CELF2: variants seen among roughly 807,000 people sequenced by gnomAD.
CELF2 encodes CUGBP Elav-like family member 2, also known as CUG triplet repeat RNA-binding protein 2.
In CELF2, 8 loss-of-function variants were observed where a neutral mutation model predicts 62.6. The observed-to-expected ratio is 0.13, with a 90% CI of 0.07 to 0.23. The LOEUF (loss-of-function observed/expected upper bound fraction) is 0.23. CELF2 is among the 10% of genes least tolerant of loss of function. The pLI is 1.00. For synonymous variants in CELF2, 258 were observed against 250.0 expected, an observed-to-expected ratio of 1.03 and a Z score of -0.30; for missense variants, 333 against 671.0, an observed-to-expected ratio of 0.50 and a Z score of 5.56.
At chr10:10,603,764 A>G in the CELF2 span, among the ~76,000 whole-genome samples, 1 of 149,686 alleles carries the variant, frequency 6.7e-6, no homozygotes, top group Non-Finnish European at 1.5e-5. Context: ...CAGGGAAGCA[A>G]AGTCTAGGAT....
Position 11,021,603 on chromosome 10 carries a change from G to A in CELF2, c.74+3440G>A, listed in dbSNP as rs556666048. Reference sequence around the variant, plus strand: ...GTTGTTAGTTGAGTGCCTGCCATGCGCCAGGATAGTTTATTCACACCGTCT... The same window carrying A: ...GTTGTTAGTTGAGTGCCTGCCATGCACCAGGATAGTTTATTCACACCGTCT... On this transcript the variant is annotated intron_variant, in intron 1 of 12. Coordinates refer to ENST00000633077, the MANE Select transcript of CELF2 (RefSeq NM_001326342.2). 7.2e-5 allele frequency among the ~76,000 whole-genome samples: 11 copies of A among 152,282 alleles called. No individual in the cohort carries two copies. In the South Asian group the frequency reaches 1.9e-3, roughly 26 times the overall value.
At chr10:11,103,984 C>G (rs562693832) in intron 1 of CELF2, among the ~76,000 whole-genome samples, 1 of 104,414 alleles carries the variant, frequency 9.6e-6, no homozygotes, top group East Asian at 6.6e-4. Context: ...TATTTATGGT[C>G]AGTTCTGTTT....
chr10:10,811,322 G>T (rs986531952), intron 1 of CELF2, among the ~76,000 whole-genome samples: 1 of 152,188 alleles, frequency 6.6e-6, no homozygotes, highest in African/African-American at 2.4e-5. Context: ...TTATAGAGAT[G>T]ACCAGGCTTT....
chr10:11,240,324 G>T (rs1243310002), intron 3 of CELF2, among the ~76,000 whole-genome samples: 4 of 152,230 alleles, frequency 2.6e-5, no homozygotes, highest in Non-Finnish European at 5.9e-5. Context: ...TCTTCACTTT[G>T]ATTCGTTTTA....
the CELF2 span, among the ~76,000 whole-genome samples, chr10:10,741,279 G>A: frequency 2.0e-5 from 3 of 151,912 alleles, no homozygotes; most frequent in African/African-American, 4.8e-5. Context: ...TTGGAAGGCC[G>A]AGGCAGGCAG....
chr10:11,087,653 G>A (rs1211394458), intron 1 of CELF2, among the ~76,000 whole-genome samples: 1 of 152,192 alleles, frequency 6.6e-6, no homozygotes, highest in Non-Finnish European at 1.5e-5. Context: ...ATATTATTCA[G>A]TCAGTAGGAA....
intron 2 of CELF2, among the ~76,000 whole-genome samples, chr10:10,921,300 C>T (rs1265398603): frequency 6.6e-6 from 1 of 151,202 alleles, no homozygotes; most frequent in Admixed American, 6.6e-5. Flanking sequence ...GCTGGAGTCT[C>T]CTTCTGTCGC....
chr10:11,258,618 C>G (rs2079512888), intron 5 of CELF2, among the ~76,000 whole-genome samples: 1 of 152,188 alleles, frequency 6.6e-6, no homozygotes, highest in Non-Finnish European at 1.5e-5. Flanking sequence ...TGGAACCACT[C>G]ATAAAGGCTG....
intron 2 of CELF2, among the ~76,000 whole-genome samples, chr10:10,937,121 C>CTTTTTTTTTTTTTTTTTTTTT (rs373143426): frequency 2.2e-3 from 203 of 90,470 alleles, no homozygotes; most frequent in Non-Finnish European, 3.0e-3. Flanking sequence ...TTTTTCTTTT[C>CTTTTTTTTTTTTTTTTTTTTT]TTTTTTTTTT....
intron 1 of CELF2, 100 bp downstream of exon 1, chr10:11,018,263 C>T (rs1422085589): frequency 2.9e-6 from 3 of 1,020,624 alleles, no homozygotes; most frequent in Non-Finnish European, 4.0e-6. Context: ...CCGGGCGCGA[C>T]TCGGCCGCTT....
the CELF2 span, among the ~76,000 whole-genome samples, chr10:10,660,184 C>T: frequency 6.6e-6 from 1 of 152,184 alleles, no homozygotes; most frequent in Non-Finnish European, 1.5e-5. Context: ...AATTGATAAA[C>T]TGTTCACGGA....
Position 11,079,903 on chromosome 10 carries a change from A to G in CELF2, c.74+61740A>G, listed in dbSNP as rs184964437. Among the ~76,000 whole-genome samples the G allele has an allele frequency of 6.2e-3, 937 of 152,312 alleles. 5 individuals carry two copies. The highest frequency in any genetic ancestry group is 9.5e-3 in the Non-Finnish European group (643 of 68,016). On this transcript the variant is annotated intron_variant, in intron 1 of 12. Transcript: ENST00000633077. ...AGTGCAAACAGCAATAGCAAGATGCACTGTACTGCAAGATGACTTTGGGAT... is the reference window on the plus strand; with the variant it reads ...AGTGCAAACAGCAATAGCAAGATGCGCTGTACTGCAAGATGACTTTGGGAT...
chr10:10,895,157 GAACCCAGGAGATCA>G (rs563711081), intron 1 of CELF2, among the ~76,000 whole-genome samples: 10 of 152,272 alleles, frequency 6.6e-5, no homozygotes, highest in African/African-American at 2.4e-4. Flanking sequence ...ACCAAGATTT[GAACCCAGGAGATCA>G]AACCCCTGAG....
At chr10:10,737,471 C>A in the CELF2 span, among the ~76,000 whole-genome samples, 1 of 152,076 alleles carries the variant, frequency 6.6e-6, no homozygotes, top group African/African-American at 2.4e-5. Context: ...TCAAAACTAG[C>A]AGAAAATTGT....
intron 1 of CELF2, among the ~76,000 whole-genome samples, chr10:11,057,691 A>G (rs2065635470): frequency 6.6e-6 from 1 of 152,176 alleles, no homozygotes; most frequent in Admixed American, 6.5e-5. Flanking sequence ...TTTTAAGCAT[A>G]AGGATGTAAC....
chr10:10,718,064 G>A, the CELF2 span, among the ~76,000 whole-genome samples: 1 of 152,154 alleles, frequency 6.6e-6, no homozygotes, highest in African/African-American at 2.4e-5. Context: ...AAACAAAGAA[G>A]ATAATTATTA....
In CELF2 at chr10:10,928,366, T is replaced by A. The variant is rs2065744290; in HGVS notation, c.89+8367T>A. Among the ~76,000 whole-genome samples, 1 of 152,216 alleles carries A rather than the reference T, an allele frequency of 6.6e-6. No individual in the cohort carries two copies. The highest frequency in any genetic ancestry group is 6.5e-5 in the Admixed American group (1 of 15,282). On this transcript the variant is annotated intron_variant, in intron 2 of 13. Coordinates refer to the CELF2 transcript ENST00000636488. The surrounding 1 kb of genome is among the most constrained non-coding windows in gnomAD (Gnocchi z 4.8). ...CTTTGTATGTGTTCTTCCTTCTATT[T>A]GAAAGCCCAGTGTCATCTCTCTGCT...
At chr10:11,076,734 G>A (rs1341689387) in intron 1 of CELF2, among the ~76,000 whole-genome samples, 4 of 152,162 alleles carry the variant, frequency 2.6e-5, no homozygotes, top group African/African-American at 9.7e-5. Flanking sequence ...GAAGCATTGA[G>A]TTGATCTATG....
intron 1 of CELF2, among the ~76,000 whole-genome samples, chr10:10,821,188 C>T (rs1266279824): frequency 6.6e-6 from 1 of 152,170 alleles, no homozygotes; most frequent in East Asian, 1.9e-4. Context: ...TGACTTTGGA[C>T]ATCTAGCGTC....
Sources: allele counts gnomAD v4.1 joint callset (sites outside exome capture counted in the v4.1 genomes callset), GRCh38; gene constraint gnomAD v4.1.1; non-coding constraint Gnocchi (gnomAD v3.1); transcripts MANE v1.5; gene names NCBI Gene and HGNC (gene_info 2026-07-23, HGNC 2026-07-21).